CXADR: variants seen among roughly 807,000 people sequenced by gnomAD.
CXADR encodes the protein coxsackievirus and adenovirus receptor.
A neutral mutation model predicts 40.3 loss-of-function variants in CXADR; 20 were observed. The ratio of observed to expected loss-of-function variants is 0.50; its 90% confidence interval spans 0.35 to 0.72. CXADR has a LOEUF of 0.72. Ranked by LOEUF, CXADR falls within the 30% of genes least tolerant of loss-of-function variation. The pLI is 0.01. For missense variants in CXADR, 332 were observed against 449.1 expected, an observed-to-expected ratio of 0.74 and a Z score of 2.36; for synonymous variants, 150 against 161.3, an observed-to-expected ratio of 0.93 and a Z score of 0.53.
the CXADR span, among the ~76,000 whole-genome samples, chr21:17,602,611 G>A: frequency 6.6e-6 from 1 of 152,048 alleles, no homozygotes; most frequent in African/African-American, 2.4e-5. Flanking sequence ...ACACTCGCAG[G>A]TGATTTCTAT....
the CXADR span, among the ~76,000 whole-genome samples, chr21:17,605,422 ATC>A: frequency 6.3e-3 from 963 of 152,330 alleles, 60 homozygotes; most frequent in East Asian, 0.13. Context: ...ACAAATTCTG[ATC>A]TGTCATTAAC....
At chr21:17,593,141 TC>T in intron 7 of CXADR, 1 of 1,410,596 alleles carries the variant, frequency 7.1e-7, no homozygotes, top group Non-Finnish European at 9.3e-7. Context: ...TCTCTTTTTT[TC>T]TTTTTGTAGT....
chr21:17,616,335 CT>C, the CXADR span, among the ~76,000 whole-genome samples: 11,249 of 122,726 alleles, frequency 0.092, 443 homozygotes, highest in Middle Eastern at 0.16. Flanking sequence ...ATACAAAAGT[CT>C]TTTTTTTTTT....
chr21:17,563,462 C>A (rs2061152257), intron 6 of CXADR, among the ~76,000 whole-genome samples: 1 of 151,964 alleles, frequency 6.6e-6, no homozygotes, highest in Non-Finnish European at 1.5e-5. Context: ...AGAACACACA[C>A]AACATTTATT....
chr21:17,514,656 G>A (rs1193905585), intron 1 of CXADR, among the ~76,000 whole-genome samples: 1 of 149,552 alleles, frequency 6.7e-6, no homozygotes, highest in African/African-American at 2.5e-5. Context: ...TTTTTTAAAT[G>A]GAGTTTCGCT....
chr21:17,552,536 CCTT>C (rs1007314649), intron 3 of CXADR, among the ~76,000 whole-genome samples: 1 of 152,100 alleles, frequency 6.6e-6, no homozygotes, highest in African/African-American at 2.4e-5. Context: ...AGTTTATTAT[CCTT>C]CTCTAGATTC....
intron 1 of CXADR, among the ~76,000 whole-genome samples, chr21:17,520,835 G>A (rs1224441019): frequency 2.0e-5 from 3 of 152,160 alleles, no homozygotes; most frequent in Admixed American, 1.3e-4. Flanking sequence ...TGGCTTGAGT[G>A]TATAATGATG....
intron 7 of CXADR, among the ~76,000 whole-genome samples, chr21:17,590,439 G>A (rs2061427097): frequency 6.6e-6 from 1 of 152,022 alleles, no homozygotes; most frequent in Admixed American, 6.6e-5. Context: ...AAGGAACATA[G>A]AAGATGGACT....
intron 1 of CXADR, among the ~76,000 whole-genome samples, chr21:17,527,783 C>CTTTTTTAT (rs1244092805): frequency 6.6e-6 from 1 of 151,678 alleles, no homozygotes; most frequent in Non-Finnish European, 1.5e-5. Context: ...GTTGCTGCTC[C>CTTTTTTAT]TTTTTTATTT....
chr21:17,593,345 G>GT, exon 8 of CXADR: 2 of 670,370 alleles, frequency 3.0e-6, no homozygotes, highest in Non-Finnish European at 4.3e-6. Flanking sequence ...CATTAGACAT[G>GT]TAAGTCAGAT....
At chr21:17,559,907 G>A (rs1289692210) in intron 4 of CXADR, among the ~76,000 whole-genome samples, 1 of 151,356 alleles carries the variant, frequency 6.6e-6, no homozygotes, top group Non-Finnish European at 1.5e-5. Flanking sequence ...TCAAACTCCT[G>A]GGCTCAAGCT....
chr21:17,633,317 C>G, the CXADR span: 1 of 152,364 alleles, frequency 6.6e-6, no homozygotes, highest in African/African-American at 2.4e-5. Flanking sequence ...ATAAGCTCAG[C>G]ACTTTGAGAG....
At chr21:17,627,192 A>G in the CXADR span, 1 of 152,376 alleles carries the variant, frequency 6.6e-6, no homozygotes, top group African/African-American at 2.4e-5. Flanking sequence ...CCCCATCTCT[A>G]CTAAAAATAC....
At chr21:17,537,198 T>C (rs2060769667) in intron 1 of CXADR, among the ~76,000 whole-genome samples, 1 of 152,264 alleles carries the variant, frequency 6.6e-6, no homozygotes, top group African/African-American at 2.4e-5. Flanking sequence ...TTTTTCCCCT[T>C]AGTGCCTCCT....
At position 17,513,075 on chromosome 21, in the gene CXADR, G is replaced by T; in HGVS notation, c.-55G>T. ...AGCGCGCGAGGCGCGGGGAGCCTGG[G>T]ACCAGGAGCGAGAGCCGCCTACCTG... On this transcript the variant is annotated 5_prime_UTR_variant, in exon 1 of 7. Coordinates refer to ENST00000284878, the MANE Select transcript of CXADR (RefSeq NM_001338.5). 7.5e-7 allele frequency: 1 copy of T among 1,332,622 alleles called. No homozygotes were observed. The highest frequency in any genetic ancestry group is 9.6e-7 in the Non-Finnish European group (1 of 1,038,054). The allele number at this position is 1,332,622 out of a possible 1,614,324, so 82.5% of individuals were successfully genotyped here.
intron 1 of CXADR, among the ~76,000 whole-genome samples, chr21:17,524,801 C>T (rs1415330490): frequency 3.3e-5 from 5 of 150,196 alleles, no homozygotes; most frequent in African/African-American, 9.8e-5. Context: ...CCCAGCTATT[C>T]GGGAGGCTGA....
At chr21:17,596,556 T>C (rs1057021146), downstream of CXADR, among the ~76,000 whole-genome samples, 32 of 152,108 alleles carry the variant, frequency 2.1e-4, no homozygotes, top group African/African-American at 7.5e-4. Flanking sequence ...CCCCATTGAA[T>C]TGCTTTGGCA....
At chr21:17,623,706 C>G in the CXADR span, among the ~76,000 whole-genome samples, 10 of 152,280 alleles carry the variant, frequency 6.6e-5, 2 homozygotes, top group South Asian at 1.5e-3. Flanking sequence ...TCCCACAACT[C>G]CCACTAAACT....
the CXADR span, among the ~76,000 whole-genome samples, chr21:17,636,005 G>A: frequency 2.0e-5 from 3 of 152,152 alleles, no homozygotes; most frequent in South Asian, 6.2e-4. Context: ...TACAGGTCTT[G>A]AACATCTTTT....
Sources: allele counts gnomAD v4.1 joint callset (sites outside exome capture counted in the v4.1 genomes callset), GRCh38; gene constraint gnomAD v4.1.1; transcripts MANE v1.5; gene names NCBI Gene and HGNC (gene_info 2026-07-23, HGNC 2026-07-21).